Variants in PROX2 observed in about 807,000 individuals in gnomAD.
PROX2 encodes prospero homeobox protein 2.
A neutral mutation model predicts 48.9 loss-of-function variants in PROX2; 46 were observed. The observed-to-expected ratio is 0.94, with a 90% CI of 0.74 to 1.20. PROX2 has a LOEUF of 1.20. Among genes scored for constraint, PROX2 ranks in the 50% most tolerant of loss-of-function variants. The pLI, the probability that PROX2 is intolerant of heterozygous loss-of-function variation, is 0.00. For synonymous variants in PROX2, 260 were observed against 276.6 expected (o/e 0.94, Z 0.60); for missense variants, 663 against 719.4 (o/e 0.92, Z 0.90).
chr14:74,868,453 G>T (rs922301109), intron 2 of PROX2, among the ~76,000 whole-genome samples: 5 of 149,734 alleles, frequency 3.3e-5, no homozygotes, highest in African/African-American at 1.2e-4. Context: ...CGTTGTGAAA[G>T]CTGATAATAT....
chr14:74,857,110 A>G (rs2091750154), intron 4 of PROX2, 115 bp from the exon 5 acceptor site: 5 of 756,194 alleles, frequency 6.6e-6, no homozygotes, highest in Non-Finnish European at 1.1e-5. Flanking sequence ...CAGCATTAAC[A>G]GGGGCTTCCT....
chr14:74,871,618 G>GA (rs1883218051), intron 1 of PROX2, among the ~76,000 whole-genome samples: 3 of 151,974 alleles, frequency 2.0e-5, no homozygotes, highest in Non-Finnish European at 4.4e-5. Flanking sequence ...GCAAAAAATA[G>GA]AAAAAATTAA....
intron 2 of PROX2, among the ~76,000 whole-genome samples, chr14:74,869,181 TGA>T (rs1883150726): frequency 6.6e-6 from 1 of 152,198 alleles, no homozygotes; most frequent in Non-Finnish European, 1.5e-5. Context: ...CATCAAAGGC[TGA>T]GACTACGTTA....
chr14:74,856,686 G>T, intron 5 of PROX2, 115 bp downstream of exon 5: 1 of 853,092 alleles, frequency 1.2e-6, no homozygotes, highest in Non-Finnish European at 1.8e-6. Flanking sequence ...ATTGGCCCAG[G>T]CTGCCCTGGC....
At chr14:74,858,155 C>A (rs1033264967) in intron 4 of PROX2, 3 of 353,106 alleles carry the variant, frequency 8.5e-6, no homozygotes, top group Non-Finnish European at 1.5e-5. Context: ...CTTTTCCTGC[C>A]CATGTGTTTC....
At chr14:74,856,754 G>A (rs1314839504) in intron 5 of PROX2, 47 bp downstream of exon 5, 2 of 1,521,498 alleles carry the variant, frequency 1.3e-6, no homozygotes, top group Non-Finnish European at 1.8e-6. Flanking sequence ...GAATCATATA[G>A]GGAAGACACT....
intron 3 of PROX2, chr14:74,859,145 T>C (rs1838732112): frequency 6.6e-6 from 1 of 152,226 alleles, no homozygotes; most frequent in Non-Finnish European, 1.5e-5. Flanking sequence ...GGTTGGGTGG[T>C]ACCCACTCTC....
At chr14:74,873,474 G>C (rs1262716341) in intron 1 of PROX2, among the ~76,000 whole-genome samples, 2 of 152,174 alleles carry the variant, frequency 1.3e-5, no homozygotes, top group East Asian at 1.9e-4. Context: ...TCCTCCTAGG[G>C]GGGGTTCAGG....
chr14:74,868,850 T>A (rs1196481684), intron 2 of PROX2, among the ~76,000 whole-genome samples: 48 of 142,696 alleles, frequency 3.4e-4, no homozygotes, highest in African/African-American at 8.4e-4. Context: ...AAAAAAAAAA[T>A]AAGATAGTAT....
intron 3 of PROX2, chr14:74,858,846 G>C: frequency 1.6e-5 from 1 of 60,736 alleles, no homozygotes; most frequent in Non-Finnish European, 2.9e-5. Flanking sequence ...GGTGTATTGT[G>C]TGTGTGTGTG....
chr14:74,870,263 CA>C (rs11388832), intron 2 of PROX2, among the ~76,000 whole-genome samples: 6 of 146,708 alleles, frequency 4.1e-5, no homozygotes, highest in African/African-American at 5.0e-5. Context: ...CCTGTTTCTC[CA>C]AAAAAAAAAT....
chr14:74,864,147 C>A, intron 2 of PROX2, 139 bp from the exon 3 acceptor site: 1 of 193,084 alleles, frequency 5.2e-6, no homozygotes, highest in Non-Finnish European at 1.0e-5. Context: ...AGAGATTCTC[C>A]ATTTTAAGCC....
Position 74,854,368 on chromosome 14 carries a change from T to C in PROX2, c.*764A>G, listed in dbSNP as rs1351131024. ...AGTGCTCCTAAGTGCTGGGCAGGAGTTGTCAGGTGACGGTGCCCTGTCAGC... is the reference window on the plus strand; with the variant it reads ...AGTGCTCCTAAGTGCTGGGCAGGAGCTGTCAGGTGACGGTGCCCTGTCAGC... On this transcript the variant is annotated 3_prime_UTR_variant, in exon 6 of 6. Transcript: ENST00000556489. The C allele has an allele frequency of 1.2e-5, 4 of 328,342 alleles. No homozygotes were observed. Among genetic ancestry groups the C allele is most frequent in the South Asian group, 9.5e-5 (4 of 41,918 alleles). 20.3% of individuals were successfully genotyped at this position (328,342 alleles called of 1,614,324 possible).
At position 74,862,736 on chromosome 14, in the gene PROX2, A is replaced by T; in HGVS notation, c.1099T>A (p.Ser367Thr). The change falls in exon 3 of 6, where the codon TCA becomes ACA. Residue 367 changes from serine to threonine, a missense_variant. Physicochemically the swap from Ser to Thr is moderately conservative, Grantham distance 58. Transcript: ENST00000556489. ...GAGGAGGGGTGCCTCTGGGAAGATG[A>T]GTCCTGGGGAGGACTGCTACTCCAA... ...GHWSSSPPQDSSSQRHPSSEP... is the reference protein window; with the variant it reads ...GHWSSSPPQDTSSQRHPSSEP... The T allele has an allele frequency of 6.2e-7, 1 of 1,613,964 alleles. No individual in the cohort carries two copies.
chr14:74,870,519 A>G (rs542372776), intron 2 of PROX2, among the ~76,000 whole-genome samples: 3 of 151,552 alleles, frequency 2.0e-5, no homozygotes, highest in African/African-American at 7.3e-5. Flanking sequence ...TTTATGGGTA[A>G]TAGAACCACA....
Position 74,863,766 on chromosome 14 carries a change from C to G in PROX2, c.69G>C (p.Thr23=). Residue 23 remains threonine, a synonymous_variant, in exon 3 of 6, where the codon ACG becomes ACC. Coordinates refer to ENST00000556489, the MANE Select transcript of PROX2 (RefSeq NM_001243007.2). ...GAGGGGATGAGCTTCTCTCGCCTTC[C>G]GTACAAGCTTCTGCTAGGTGGGAGC... ...QICSHLAEAC[T]EGERSSSPPE... The G allele has an allele frequency of 4.6e-6, 7 of 1,525,788 alleles. No homozygotes were observed. Among genetic ancestry groups the G allele is most frequent in the Non-Finnish European group, 6.1e-6 (7 of 1,141,204 alleles). The allele number at this position is 1,525,788 out of a possible 1,614,324, so 94.5% of individuals were successfully genotyped here.
chr14:74,871,555 C>T (rs976644350), intron 1 of PROX2, among the ~76,000 whole-genome samples: 1 of 152,182 alleles, frequency 6.6e-6, no homozygotes, highest in Non-Finnish European at 1.5e-5. Context: ...TCAAGGATCA[C>T]CTGAGCCCAG....
Position 74,856,913 on chromosome 14 carries a change from G to C in PROX2, c.1496C>G (p.Ala499Gly). Reference sequence around the variant, plus strand: ...GACACCATCTGAAATTGCTTGCCGGGCAGATTTTTCCATTTGGATGTAATA... The same window carrying C: ...GACACCATCTGAAATTGCTTGCCGGCCAGATTTTTCCATTTGGATGTAATA... ...EFYYIQMEKS[A>G]RQAISDGVTN... The change falls in exon 5 of 6, where the codon GCC (alanine) becomes GGC (glycine). Residue 499 changes from alanine to glycine, a missense_variant. Ala to Gly is a moderately conservative substitution (Grantham distance 60). Transcript: ENST00000556489. 2 of 1,613,954 alleles carry C rather than the reference G, an allele frequency of 1.2e-6. No individual in the cohort carries two copies. The highest frequency in any genetic ancestry group is 1.7e-6 in the Non-Finnish European group (2 of 1,179,878).
chr14:74,861,064 T>C (rs1217962993), intron 3 of PROX2: 1 of 435,276 alleles, frequency 2.3e-6, no homozygotes, highest in East Asian at 6.5e-5. Flanking sequence ...CAGGAAAGCT[T>C]TGGGGTGTTT....
Sources: gnomAD v4.1 joint callset for allele counts (sites outside exome capture counted in the v4.1 genomes callset) on GRCh38, gnomAD v4.1.1 for gene constraint, MANE v1.5 for transcripts, NCBI Gene and HGNC (gene_info 2026-07-23, HGNC 2026-07-21) for gene names.